Variants in MPPED1 observed in about 807,000 individuals in gnomAD.
MPPED1 encodes the protein metallophosphoesterase domain-containing protein 1.
MPPED1 carries 16 observed loss-of-function variants against 36.2 expected under a neutral mutation model. The observed-to-expected ratio is 0.44, with a 90% CI of 0.30 to 0.67. The LOEUF is 0.67. Ranked by LOEUF, MPPED1 falls within the 30% of genes least tolerant of loss-of-function variation. The probability of loss-of-function intolerance (pLI) is 0.10; values close to 1 mark genes in which losing one functional copy is unlikely to be tolerated. For missense variants in MPPED1, 307 were observed against 453.4 expected, an observed-to-expected ratio of 0.68 and a Z score of 2.93; for synonymous variants, 199 against 191.3, an observed-to-expected ratio of 1.04 and a Z score of -0.33.
intron 4 of MPPED1, among the ~76,000 whole-genome samples, chr22:43,480,944 C>G (rs1235465599): frequency 6.6e-6 from 1 of 151,864 alleles, no homozygotes; most frequent in Admixed American, 6.6e-5. Context: ...CTGCCTCAGC[C>G]TCCTGAGTAG....
intron 3 of MPPED1, among the ~76,000 whole-genome samples, chr22:43,463,181 T>A (rs1452068158): frequency 6.6e-6 from 1 of 152,152 alleles, no homozygotes; most frequent in Non-Finnish European, 1.5e-5. Flanking sequence ...GGGTCTTTAC[T>A]TCATTTATTT....
intron 3 of MPPED1, among the ~76,000 whole-genome samples, chr22:43,455,920 G>A (rs1651571515): frequency 1.3e-5 from 2 of 152,170 alleles, no homozygotes; most frequent in South Asian, 4.1e-4. Context: ...TCACTGCTCT[G>A]GGGGTCAGAA....
chr22:43,425,248 G>T (rs576118620), intron 2 of MPPED1, 39 bp downstream of exon 2: 2 of 1,520,240 alleles, frequency 1.3e-6, no homozygotes, highest in Admixed American at 3.8e-5. Context: ...GGGCGGTGAC[G>T]GCCCCCTGGG....
At chr22:43,439,087 C>T (rs1019021386) in intron 3 of MPPED1, among the ~76,000 whole-genome samples, 1 of 152,142 alleles carries the variant, frequency 6.6e-6, no homozygotes, top group Admixed American at 6.6e-5. Flanking sequence ...AGACATCTAA[C>T]GGGGCTCTGC....
At chr22:43,462,580 T>G (rs1232028909) in intron 3 of MPPED1, among the ~76,000 whole-genome samples, 2 of 152,252 alleles carry the variant, frequency 1.3e-5, no homozygotes, top group African/African-American at 4.8e-5. Context: ...TGTGACATTA[T>G]TTTTTAAAAG....
intron 1 of MPPED1, among the ~76,000 whole-genome samples, chr22:43,413,816 G>T (rs1460001550): frequency 6.6e-6 from 1 of 152,206 alleles, no homozygotes; most frequent in Non-Finnish European, 1.5e-5. Context: ...CTAGTCAAAA[G>T]GCGATAATCC....
chr22:43,494,778 G>A (rs903145317), intron 4 of MPPED1, among the ~76,000 whole-genome samples: 3 of 151,458 alleles, frequency 2.0e-5, no homozygotes, highest in African/African-American at 4.9e-5. Flanking sequence ...CATAGACTGG[G>A]TGGATTCTAA....
At chr22:43,465,044 A>G (rs1931115986) in intron 3 of MPPED1, among the ~76,000 whole-genome samples, 1 of 152,178 alleles carries the variant, frequency 6.6e-6, no homozygotes, top group African/African-American at 2.4e-5. Flanking sequence ...AGGGTCTCAG[A>G]GAATTGAAAG....
At chr22:43,499,614 ATGGTGG>A in intron 5 of MPPED1, among the ~76,000 whole-genome samples, 1 of 8,552 alleles carries the variant, frequency 1.2e-4, no homozygotes, top group Non-Finnish European at 2.0e-4. Context: ...GGTGGTGGTG[ATGGTGG>A]TGGTGATGAT....
chr22:43,476,870 T>C (rs2146888377), intron 4 of MPPED1, among the ~76,000 whole-genome samples: 1 of 152,114 alleles, frequency 6.6e-6, no homozygotes, highest in Non-Finnish European at 1.5e-5. Flanking sequence ...AGAGCTCAGA[T>C]CTGGAGAAGT....
At chr22:43,503,877 C>A (rs1340888570) in intron 6 of MPPED1, among the ~76,000 whole-genome samples, 1 of 152,206 alleles carries the variant, frequency 6.6e-6, no homozygotes. Flanking sequence ...GGTCCTCACC[C>A]ACCCACTAAC....
At chr22:43,452,086 C>T (rs568089185) in intron 3 of MPPED1, among the ~76,000 whole-genome samples, 23 of 150,968 alleles carry the variant, frequency 1.5e-4, no homozygotes, top group African/African-American at 4.6e-4. Flanking sequence ...GGCATGATCT[C>T]GGCTCACTGC....
chr22:43,486,919 C>G (rs1931929739), intron 4 of MPPED1, among the ~76,000 whole-genome samples: 1 of 152,126 alleles, frequency 6.6e-6, no homozygotes, highest in South Asian at 2.1e-4. Context: ...GCAGAGGTCT[C>G]AGAGAGTTCT....
At chr22:43,483,385 C>T (rs1480200552) in intron 4 of MPPED1, among the ~76,000 whole-genome samples, 2 of 152,246 alleles carry the variant, frequency 1.3e-5, no homozygotes, top group Non-Finnish European at 2.9e-5. Flanking sequence ...CCGTCTCCAC[C>T]CTGCCCCATG....
At chr22:43,450,146 G>T (rs1449635597) in intron 3 of MPPED1, among the ~76,000 whole-genome samples, 4 of 152,356 alleles carry the variant, frequency 2.6e-5, no homozygotes, top group South Asian at 4.1e-4. Flanking sequence ...GTTCTCTGTG[G>T]CTTCTGGAGC....
Position 43,506,866 on chromosome 22 carries a change from T to C in MPPED1, c.*1250T>C, listed in dbSNP as rs1932825178. The C allele has an allele frequency of 6.6e-6, 1 of 152,238 alleles. No individual in the cohort carries two copies. Among genetic ancestry groups the C allele is most frequent in the Admixed American group, 6.5e-5 (1 of 15,292 alleles). The allele number at this position is 152,238 out of a possible 1,614,324, so 9.4% of individuals were successfully genotyped here. On this transcript the variant is annotated 3_prime_UTR_variant, in exon 7 of 7. Transcript: ENST00000443721. ...TAATATTTTGTTCATCATGGACTTT[T>C]TCTGCATTTATTTTGATTTTTAACG...
intron 4 of MPPED1, among the ~76,000 whole-genome samples, chr22:43,493,860 G>A (rs1452320080): frequency 6.6e-6 from 1 of 152,170 alleles, no homozygotes; most frequent in Admixed American, 6.5e-5. Flanking sequence ...GAGGTGATGT[G>A]GGGATGGCAA....
At chr22:43,435,271 C>T in intron 3 of MPPED1, 56 bp downstream of exon 3, 7 of 1,535,240 alleles carry the variant, frequency 4.6e-6, no homozygotes, top group Admixed American at 1.9e-5. Flanking sequence ...GGGGCTCCCG[C>T]CAGCTCCCGA....
Position 43,502,612 on chromosome 22 carries a change from G to A in MPPED1, c.749-32G>A, listed in dbSNP as rs769148154. On this transcript the variant is annotated intron_variant, in intron 5 of 6. Coordinates refer to ENST00000443721, the MANE Select transcript of MPPED1 (RefSeq NM_001044370.2). This position sits in a 1 kb window ranked among gnomAD's most constrained non-coding sequence, Gnocchi z 5.5. ...GCAGTGAGGGGCTGGGACAGACCGC[G>A]TCATGGCCTCCTGTTGTCTCCCCCA... The A allele has an allele frequency of 4.8e-5, 75 of 1,577,498 alleles. No individual in the cohort carries two copies. The highest frequency in any genetic ancestry group is 1.7e-4 in the Middle Eastern group (1 of 5,998).
Sources: gnomAD v4.1 joint callset for allele counts (sites outside exome capture counted in the v4.1 genomes callset) on GRCh38, gnomAD v4.1.1 for gene constraint, Gnocchi (gnomAD v3.1) non-coding constraint, MANE v1.5 for transcripts, NCBI Gene and HGNC (gene_info 2026-07-23, HGNC 2026-07-21) for gene names.